Variants in ADAMTS12 observed in about 807,000 individuals in gnomAD.
The protein encoded by ADAMTS12 is A disintegrin and metalloproteinase with thrombospondin motifs 12.
In ADAMTS12, 118 loss-of-function variants were observed where a neutral mutation model predicts 167.8. That is an observed-to-expected ratio of 0.70 (90% CI 0.61 to 0.82). ADAMTS12 has a LOEUF of 0.82. Among genes scored for constraint, ADAMTS12 ranks in the 40% least tolerant of loss-of-function variants. ADAMTS12 has a pLI of 0.00. For synonymous variants in ADAMTS12, 704 were observed against 716.9 expected (o/e 0.98, Z 0.29); for missense variants, 1,916 against 1,998.8 (o/e 0.96, Z 0.79).
intron 18 of ADAMTS12, 134 bp downstream of exon 18, chr5:33,588,465 G>C (rs1561149172): frequency 1.9e-6 from 2 of 1,028,942 alleles, no homozygotes; most frequent in East Asian, 4.7e-5. Flanking sequence ...AAAGGCAGGA[G>C]ACAGGCCAGG....
At chr5:33,768,809 A>G (rs1745639027) in intron 2 of ADAMTS12, among the ~76,000 whole-genome samples, 1 of 152,168 alleles carries the variant, frequency 6.6e-6, no homozygotes, top group Non-Finnish European at 1.5e-5. Context: ...ACATTGTTAA[A>G]TGAAACAAAA....
intron 2 of ADAMTS12, among the ~76,000 whole-genome samples, chr5:33,823,797 T>G (rs1453226442): frequency 2.0e-5 from 3 of 152,146 alleles, no homozygotes; most frequent in African/African-American, 7.2e-5. Flanking sequence ...AGAATGACCC[T>G]TGAGATTCCT....
At chr5:33,542,116 A>C (rs1744730348) in intron 22 of ADAMTS12, among the ~76,000 whole-genome samples, 1 of 152,070 alleles carries the variant, frequency 6.6e-6, no homozygotes, top group Non-Finnish European at 1.5e-5. Flanking sequence ...AGAAACACAT[A>C]GGCTCAAAAA....
At chr5:33,534,267 G>T (rs1025095434) in intron 23 of ADAMTS12, among the ~76,000 whole-genome samples, 3 of 152,132 alleles carry the variant, frequency 2.0e-5, no homozygotes, top group Admixed American at 6.5e-5. Context: ...GGAGGACCAG[G>T]CTGAAGCTAG....
chr5:33,755,043 C>T (rs1745121846), intron 2 of ADAMTS12, among the ~76,000 whole-genome samples: 1 of 152,102 alleles, frequency 6.6e-6, no homozygotes, highest in Non-Finnish European at 1.5e-5. Context: ...TAGAACATTA[C>T]CAGCAGCTGA....
rs1740773501 is a variant in ADAMTS12, at chr5:33,648,816, A to G, written c.1479+6T>C. Reference sequence around the variant, plus strand: ...CCTGCATATAGCCACCAAGAGGTACACTTACTTCTACTTCCTGGCAGAAGG... The same window carrying G: ...CCTGCATATAGCCACCAAGAGGTACGCTTACTTCTACTTCCTGGCAGAAGG... On this transcript the variant is annotated splice_donor_region_variant and intron_variant, in intron 9 of 23. Coordinates refer to ENST00000504830, the MANE Select transcript of ADAMTS12 (RefSeq NM_030955.4). 1 of 1,613,900 alleles carries G rather than the reference A, an allele frequency of 6.2e-7. No homozygotes were observed. The highest frequency in any genetic ancestry group is 8.5e-7 in the Non-Finnish European group (1 of 1,179,944).
chr5:33,615,154 C>A (rs1738934516), intron 15 of ADAMTS12, among the ~76,000 whole-genome samples: 1 of 152,166 alleles, frequency 6.6e-6, no homozygotes, highest in African/African-American at 2.4e-5. Context: ...ATGTGTTAAT[C>A]CTTGCCTGTG....
At chr5:33,853,876 G>T (rs1190869344) in intron 2 of ADAMTS12, among the ~76,000 whole-genome samples, 3 of 152,172 alleles carry the variant, frequency 2.0e-5, no homozygotes, top group Non-Finnish European at 2.9e-5. Context: ...TTTCTAACAA[G>T]CCCTCAGGTG....
intron 14 of ADAMTS12, among the ~76,000 whole-genome samples, chr5:33,619,707 T>A (rs941117509): frequency 6.6e-5 from 10 of 152,102 alleles, no homozygotes; most frequent in African/African-American, 2.2e-4. Flanking sequence ...ATTTATTAAT[T>A]TTTTTTGAGA....
chr5:33,816,191 A>G (rs1747645756), intron 2 of ADAMTS12, among the ~76,000 whole-genome samples: 2 of 46,176 alleles, frequency 4.3e-5, no homozygotes, highest in African/African-American at 1.9e-4. Flanking sequence ...TTATAAATGA[A>G]ACAGTTTATA....
At position 33,708,115 on chromosome 5, in the gene ADAMTS12, C is replaced by G. The variant is rs550598860; in HGVS notation, c.635-24060G>C. Among the ~76,000 whole-genome samples, 11 of 152,254 alleles carry G rather than the reference C, an allele frequency of 7.2e-5. No homozygotes were observed. The South Asian group carries it at 2.3e-3, about 32-fold the overall frequency. On this transcript the variant is annotated intron_variant, in intron 3 of 23. Coordinates refer to ENST00000504830, the MANE Select transcript of ADAMTS12 (RefSeq NM_030955.4). ...AAATTTACAAGAAAAAAACAAACAA[C>G]CCCATCAAAAAGTGGGCAAAGGATA...
chr5:33,539,270 ATAGAGTGT>A (rs910601109), intron 22 of ADAMTS12, among the ~76,000 whole-genome samples: 3 of 152,266 alleles, frequency 2.0e-5, no homozygotes, highest in Non-Finnish European at 1.5e-5. Context: ...AGTATTGCTG[ATAGAGTGT>A]TATTTATGCA....
At chr5:33,888,339 G>C (rs1210236710) in intron 1 of ADAMTS12, among the ~76,000 whole-genome samples, 1 of 152,152 alleles carries the variant, frequency 6.6e-6, no homozygotes, top group East Asian at 1.9e-4. Flanking sequence ...ATTTACACAT[G>C]TTGGAATGTT....
chr5:33,647,055 A>AGAGACACAAG (rs1740695498), intron 9 of ADAMTS12, among the ~76,000 whole-genome samples: 1 of 152,178 alleles, frequency 6.6e-6, no homozygotes, highest in African/African-American at 2.4e-5. Context: ...AGAGACACAA[A>AGAGACACAAG]GAGATGAAAA....
chr5:33,848,871 C>T (rs903473046), intron 2 of ADAMTS12, among the ~76,000 whole-genome samples: 1 of 151,882 alleles, frequency 6.6e-6, no homozygotes, highest in Non-Finnish European at 1.5e-5. Flanking sequence ...CCAGAATCAC[C>T]TAAGTAGCTT....
At chr5:33,869,760 T>C (rs1369031224) in intron 2 of ADAMTS12, among the ~76,000 whole-genome samples, 1 of 152,190 alleles carries the variant, frequency 6.6e-6, no homozygotes, top group Non-Finnish European at 1.5e-5. Flanking sequence ...CATGTCCCAC[T>C]GGGCACACAT....
At chr5:33,827,272 T>A (rs556956741) in intron 2 of ADAMTS12, among the ~76,000 whole-genome samples, 1 of 151,358 alleles carries the variant, frequency 6.6e-6, no homozygotes, top group African/African-American at 2.4e-5. Flanking sequence ...TGAAGGAGGG[T>A]CACATAGCAA....
intron 5 of ADAMTS12, among the ~76,000 whole-genome samples, chr5:33,679,161 C>G (rs1305575256): frequency 2.0e-5 from 3 of 152,230 alleles, no homozygotes; most frequent in African/African-American, 7.2e-5. Context: ...AGCAAGACTT[C>G]TCAACCTCCC....
chr5:33,695,300 AG>A (rs1742715581), intron 3 of ADAMTS12, among the ~76,000 whole-genome samples: 2 of 152,200 alleles, frequency 1.3e-5, no homozygotes, highest in Non-Finnish European at 2.9e-5. Context: ...CTCACCCACT[AG>A]AACAAAGTGA....
Sources: gnomAD v4.1 joint callset for allele counts (sites outside exome capture counted in the v4.1 genomes callset) on GRCh38, gnomAD v4.1.1 for gene constraint, MANE v1.5 for transcripts, NCBI Gene and HGNC (gene_info 2026-07-23, HGNC 2026-07-21) for gene names.